Variants in RBFOX3 observed in about 807,000 individuals in gnomAD.
The protein encoded by RBFOX3 is RNA binding fox-1 homolog 3.
RBFOX3 carries 17 observed loss-of-function variants against 48.7 expected under a neutral mutation model. That is an observed-to-expected ratio of 0.35 (90% CI 0.24 to 0.52). The LOEUF (loss-of-function observed/expected upper bound fraction) is 0.52, where lower values mean the gene tolerates loss of function less well. Among genes scored for constraint, RBFOX3 ranks in the 20% least tolerant of loss-of-function variants. The probability of loss-of-function intolerance (pLI) is 0.94; values close to 1 mark genes in which losing one functional copy is unlikely to be tolerated. For synonymous variants in RBFOX3, 212 were observed against 209.5 expected, an observed-to-expected ratio of 1.01 and a Z score of -0.10; for missense variants, 382 against 497.5, an observed-to-expected ratio of 0.77 and a Z score of 2.21.
intron 4 of RBFOX3, among the ~76,000 whole-genome samples, chr17:79,149,680 G>T (rs895722633): frequency 6.6e-6 from 1 of 151,776 alleles, no homozygotes; most frequent in Non-Finnish European, 1.5e-5. Flanking sequence ...GCTCATGCCC[G>T]CCCGCTCAGG....
chr17:79,096,459 C>T (rs2075277197), intron 12 of RBFOX3, among the ~76,000 whole-genome samples, 194 bp downstream of exon 12: 1 of 151,856 alleles, frequency 6.6e-6, no homozygotes, highest in South Asian at 2.1e-4. Context: ...TGGGTACCAA[C>T]AACCAAACTG....
intron 4 of RBFOX3, among the ~76,000 whole-genome samples, chr17:79,162,743 TGGTGTGGGC>T (rs2047219533): frequency 2.0e-5 from 3 of 147,218 alleles, no homozygotes; most frequent in South Asian, 4.4e-4. Flanking sequence ...GTGTTGTGGG[TGGTGTGGGC>T]GGGCGGGGGT....
chr17:79,577,997 G>A (rs917764199), intron 1 of RBFOX3, among the ~76,000 whole-genome samples: 25 of 152,220 alleles, frequency 1.6e-4, no homozygotes, highest in Non-Finnish European at 2.6e-4. Context: ...ATAAGCATCC[G>A]TTCAGCTCAG....
At chr17:79,489,240 TAAAAA>T (rs71161671) in intron 1 of RBFOX3, among the ~76,000 whole-genome samples, 13 of 126,484 alleles carry the variant, frequency 1.0e-4, no homozygotes, top group Admixed American at 3.2e-4. Flanking sequence ...GCCAGAAAGT[TAAAAA>T]AAAAAAAAAA....
At chr17:79,110,920 C>A (rs7223091) in intron 5 of RBFOX3, among the ~76,000 whole-genome samples, 8 of 152,144 alleles carry the variant, frequency 5.3e-5, no homozygotes, top group African/African-American at 9.7e-5. Flanking sequence ...CTCTTCCGCC[C>A]TTCTCAGGCC....
intron 1 of RBFOX3, among the ~76,000 whole-genome samples, chr17:79,545,415 G>A (rs1039011306): frequency 9.9e-5 from 15 of 152,220 alleles, no homozygotes; most frequent in African/African-American, 2.6e-4. Flanking sequence ...CTGAGGAGCC[G>A]GCCACAGGGT....
chr17:79,353,611 C>T (rs1203205629), intron 2 of RBFOX3, among the ~76,000 whole-genome samples: 2 of 152,232 alleles, frequency 1.3e-5, no homozygotes, highest in Non-Finnish European at 1.5e-5. Flanking sequence ...AAACACCAAA[C>T]CTCCAGGAAA....
chr17:79,234,782 G>C (rs1402775409), intron 4 of RBFOX3: 1 of 139,000 alleles, frequency 7.2e-6, no homozygotes, highest in Non-Finnish European at 1.5e-5. Flanking sequence ...GACCAGGCTG[G>C]AGTGCAGTGG....
intron 1 of RBFOX3, among the ~76,000 whole-genome samples, chr17:79,494,217 A>T (rs1357115680): frequency 6.6e-6 from 1 of 152,160 alleles, no homozygotes; most frequent in Non-Finnish European, 1.5e-5. Context: ...GAGGCTGTAC[A>T]ACTGGGCTAG....
chr17:79,544,631 G>C (rs986596275), intron 1 of RBFOX3, among the ~76,000 whole-genome samples: 1 of 151,688 alleles, frequency 6.6e-6, no homozygotes, highest in Non-Finnish European at 1.5e-5. Flanking sequence ...CACCACACCT[G>C]CCCCACCACA....
At chr17:79,175,319 A>G (rs2050294048) in intron 4 of RBFOX3, among the ~76,000 whole-genome samples, 1 of 152,234 alleles carries the variant, frequency 6.6e-6, no homozygotes, top group Admixed American at 6.5e-5. Context: ...AGCTCACGCT[A>G]GGCCACCAGG....
chr17:79,360,138 T>C (rs188809778), intron 2 of RBFOX3, among the ~76,000 whole-genome samples: 401 of 152,278 alleles, frequency 2.6e-3, no homozygotes, highest in African/African-American at 9.0e-3. Flanking sequence ...TCATGAAACA[T>C]AGCAAGCATG....
chr17:79,162,910 C>T (rs1446401401), intron 4 of RBFOX3, among the ~76,000 whole-genome samples: 1 of 152,188 alleles, frequency 6.6e-6, no homozygotes, highest in Non-Finnish European at 1.5e-5. Context: ...TCTCAAACTG[C>T]AGTTTTCAGA....
intron 2 of RBFOX3, among the ~76,000 whole-genome samples, chr17:79,319,701 T>C (rs940331884): frequency 2.0e-5 from 3 of 151,182 alleles, no homozygotes; most frequent in African/African-American, 7.3e-5. Flanking sequence ...GCTGGTCTTG[T>C]ATGGGCTGCT....
intron 2 of RBFOX3, among the ~76,000 whole-genome samples, chr17:79,397,951 C>T (rs982994508): frequency 2.6e-5 from 4 of 152,084 alleles, no homozygotes; most frequent in Non-Finnish European, 5.9e-5. Flanking sequence ...ATCTGTCCGG[C>T]GGCGGATTTT....
intron 1 of RBFOX3, among the ~76,000 whole-genome samples, chr17:79,565,922 G>T (rs1023870005): frequency 1.3e-5 from 2 of 152,110 alleles, no homozygotes; most frequent in African/African-American, 4.8e-5. Context: ...ACCATCACAG[G>T]CTTGGAGAGC....
In RBFOX3 at chr17:79,362,145, C is replaced by T. The variant is rs568429013; in HGVS notation, c.-174-54321G>A. On this transcript the variant is annotated intron_variant, in intron 2 of 14. Coordinates refer to ENST00000693108, the MANE Select transcript of RBFOX3 (RefSeq NM_001350451.2). The surrounding 1 kb of genome is among the most constrained non-coding windows in gnomAD (Gnocchi z 4.2). ...CTGCCAGCTCACACACAGCCCTCCA[C>T]GGGCCACGGCCAAGCGCTGAGCCAA... is the stretch of plus-strand genomic sequence containing the variant. Among the ~76,000 whole-genome samples the T allele has an allele frequency of 2.0e-5, 3 of 152,352 alleles. No homozygotes were observed. Among genetic ancestry groups the T allele is most frequent in the South Asian group, 4.1e-4 (2 of 4,824 alleles).
chr17:79,283,553 G>A (rs9906538), intron 3 of RBFOX3, among the ~76,000 whole-genome samples: 78,394 of 152,138 alleles, frequency 0.52, 20,646 homozygotes, highest in African/African-American at 0.6. Flanking sequence ...ACAGGCGTGA[G>A]CTATCGCATG....
At chr17:79,336,217 T>A (rs902563497) in intron 2 of RBFOX3, among the ~76,000 whole-genome samples, 1 of 151,622 alleles carries the variant, frequency 6.6e-6, no homozygotes, top group African/African-American at 2.4e-5. Context: ...CGAAAACCCA[T>A]CTCTACTAAA....
Sources: allele counts gnomAD v4.1 joint callset (sites outside exome capture counted in the v4.1 genomes callset), GRCh38; gene constraint gnomAD v4.1.1; non-coding constraint Gnocchi (gnomAD v3.1); transcripts MANE v1.5; gene names NCBI Gene and HGNC (gene_info 2026-07-23, HGNC 2026-07-21).